Variants in MALRD1 observed in about 807,000 individuals in gnomAD.
MALRD1 encodes MAM and LDL-receptor class A domain-containing protein 1.
In MALRD1, 247 loss-of-function variants were observed where a neutral mutation model predicts 242.1. That is an observed-to-expected ratio of 1.02 (90% CI 0.92 to 1.13). The LOEUF (loss-of-function observed/expected upper bound fraction) is 1.13, where lower values mean the gene tolerates loss of function less well. Among genes scored for constraint, MALRD1 ranks in the 50% most tolerant of loss-of-function variants. The probability of loss-of-function intolerance (pLI) is 0.00; values close to 1 mark genes in which losing one functional copy is unlikely to be tolerated. For synonymous variants in MALRD1, 995 were observed against 866.6 expected (o/e 1.15, Z -2.60); for missense variants, 2,989 against 2,533.1 (o/e 1.18, Z -3.86).
chr10:19,614,612 G>T (rs1309220500), intron 35 of MALRD1, among the ~76,000 whole-genome samples: 1 of 152,012 alleles, frequency 6.6e-6, no homozygotes, highest in Non-Finnish European at 1.5e-5. Context: ...TAAGGAGGCA[G>T]TTCATATGAA....
chr10:19,584,343 C>G (rs1040342110), intron 33 of MALRD1, among the ~76,000 whole-genome samples: 1 of 152,140 alleles, frequency 6.6e-6, no homozygotes, highest in Non-Finnish European at 1.5e-5. Flanking sequence ...ATCTTTTCTG[C>G]TTTCTCTTGT....
chr10:19,452,743 G>A (rs1399096576), intron 29 of MALRD1, among the ~76,000 whole-genome samples: 6 of 152,188 alleles, frequency 3.9e-5, no homozygotes, highest in African/African-American at 7.2e-5. Flanking sequence ...TAGAGTGTAA[G>A]TTACACTAAG....
intron 28 of MALRD1, among the ~76,000 whole-genome samples, chr10:19,404,060 A>G (rs1015546329): frequency 3.9e-5 from 6 of 152,162 alleles, no homozygotes; most frequent in Admixed American, 2.0e-4. Flanking sequence ...TAAGCAGAAG[A>G]TAAACTAAAA....
At chr10:19,086,175 A>G (rs1309705598) in intron 2 of MALRD1, among the ~76,000 whole-genome samples, 1 of 152,070 alleles carries the variant, frequency 6.6e-6, no homozygotes, top group Non-Finnish European at 1.5e-5. Flanking sequence ...AATCGTTAAT[A>G]TCACTGTTTG....
At chr10:19,335,012 T>A (rs1314596453) in intron 24 of MALRD1, among the ~76,000 whole-genome samples, 3 of 152,066 alleles carry the variant, frequency 2.0e-5, no homozygotes, top group Non-Finnish European at 4.4e-5. Context: ...TTTCTCTCTG[T>A]ATTAGGGAAC....
chr10:19,387,795 A>G (rs964040056), intron 27 of MALRD1, 22 bp downstream of exon 27: 2 of 1,538,628 alleles, frequency 1.3e-6, no homozygotes, highest in African/African-American at 2.8e-5. Flanking sequence ...GATTGTTGTA[A>G]TTGCTTTCAC....
chr10:19,414,469 A>G (rs555809746), intron 28 of MALRD1, among the ~76,000 whole-genome samples: 35 of 152,218 alleles, frequency 2.3e-4, no homozygotes, highest in Non-Finnish European at 4.7e-4. Context: ...GAAACTCAGG[A>G]AGATGATCAA....
At chr10:19,661,751 T>A (rs951743612) in intron 36 of MALRD1, among the ~76,000 whole-genome samples, 2 of 152,172 alleles carry the variant, frequency 1.3e-5, no homozygotes, top group Non-Finnish European at 2.9e-5. Context: ...AACCTGCACG[T>A]TGTGCACATG....
At chr10:19,294,838 T>C (rs1841614015) in intron 21 of MALRD1, among the ~76,000 whole-genome samples, 1 of 152,294 alleles carries the variant, frequency 6.6e-6, no homozygotes, top group East Asian at 1.9e-4. Flanking sequence ...GAAAAGTGTT[T>C]AGATATAGAT....
intron 36 of MALRD1, among the ~76,000 whole-genome samples, chr10:19,690,994 G>A (rs1163355953): frequency 6.6e-6 from 1 of 151,976 alleles, no homozygotes; most frequent in African/African-American, 2.4e-5. Context: ...CAGGAAAGTG[G>A]CACTATCAAC....
At position 19,209,315 on chromosome 10, in the gene MALRD1, C is replaced by A. The variant is rs762647207; in HGVS notation, c.2626C>A (p.Gln876Lys). The change falls in exon 18 of 40, where the codon CAA becomes AAA. Residue 876 changes from glutamine to lysine, a missense_variant. Physicochemically the swap from Gln to Lys is moderately conservative, Grantham distance 53. Coordinates refer to ENST00000454679, the MANE Select transcript of MALRD1 (RefSeq NM_001142308.3). ...TGAAACTGGAATCTGTAACTGGGAA[C>A]AAGATGCAAAAGATGACTTTGATTG... ...NFETGICNWE[Q>K]DAKDDFDWTR... 7 of 1,548,634 alleles carry A rather than the reference C, an allele frequency of 4.5e-6. No individual in the cohort carries two copies. The East Asian group carries it at 1.2e-4, about 27-fold the overall frequency.
intron 31 of MALRD1, among the ~76,000 whole-genome samples, chr10:19,519,314 T>G (rs1833777584): frequency 6.6e-6 from 1 of 152,152 alleles, no homozygotes; most frequent in African/African-American, 2.4e-5. Context: ...TTTCTCCTAT[T>G]ATGCCACCAA....
chr10:19,729,070 G>C (rs144508680), intron 38 of MALRD1, among the ~76,000 whole-genome samples: 1 of 152,110 alleles, frequency 6.6e-6, no homozygotes, highest in Non-Finnish European at 1.5e-5. Context: ...ATGTACCCGC[G>C]GTGAGGGTGA....
chr10:19,401,932 A>T (rs941748317), intron 28 of MALRD1, among the ~76,000 whole-genome samples: 1 of 152,246 alleles, frequency 6.6e-6, no homozygotes, highest in African/African-American at 2.4e-5. Context: ...TTGATACTTA[A>T]GAAAACATGA....
At chr10:19,696,751 T>TA (rs754208733) in intron 38 of MALRD1, among the ~76,000 whole-genome samples, 3,940 of 140,622 alleles carry the variant, frequency 0.028, 181 homozygotes, top group African/African-American at 0.095. Context: ...TGCCCAAAAT[T>TA]AAAAAAAAAA....
chr10:19,533,143 C>T (rs990281526), intron 32 of MALRD1, among the ~76,000 whole-genome samples: 3 of 152,188 alleles, frequency 2.0e-5, no homozygotes, highest in African/African-American at 4.8e-5. Flanking sequence ...AAAAAGACCA[C>T]CCCTGTGTTC....
At chr10:19,384,662 T>A (rs1411189877) in intron 26 of MALRD1, among the ~76,000 whole-genome samples, 1 of 135,382 alleles carries the variant, frequency 7.4e-6, no homozygotes, top group East Asian at 2.0e-4. Flanking sequence ...ATATAATATT[T>A]ACTATATATT....
intron 16 of MALRD1, 130 bp downstream of exon 16, chr10:19,204,543 T>C (rs1453066589): frequency 7.7e-6 from 5 of 648,528 alleles, no homozygotes; most frequent in Non-Finnish European, 1.3e-5. Flanking sequence ...TAGTATTGCA[T>C]TAAATTCATA....
chr10:19,357,715 G>A (rs2131018796), intron 26 of MALRD1, among the ~76,000 whole-genome samples: 1 of 152,192 alleles, frequency 6.6e-6, no homozygotes, highest in South Asian at 2.1e-4. Flanking sequence ...TGTAAACTGG[G>A]ATAAATGGCA....
Sources: gnomAD v4.1 joint callset for allele counts (sites outside exome capture counted in the v4.1 genomes callset) on GRCh38, gnomAD v4.1.1 for gene constraint, MANE v1.5 for transcripts, NCBI Gene and HGNC (gene_info 2026-07-23, HGNC 2026-07-21) for gene names.